Variants in NFATC3 observed in about 807,000 individuals in gnomAD.
The protein encoded by NFATC3 is nuclear factor of activated T cells 3.
NFATC3 carries 46 observed loss-of-function variants against 98.6 expected under a neutral mutation model. The ratio of observed to expected loss-of-function variants is 0.47; its 90% CI spans 0.37 to 0.60. NFATC3 has a LOEUF of 0.60. Ranked by LOEUF, NFATC3 falls within the 20% of genes least tolerant of loss-of-function variation. NFATC3 has a pLI of 0.00. For missense variants in NFATC3, 1,256 were observed against 1,295.5 expected (o/e 0.97, Z 0.47); for synonymous variants, 512 against 472.2 (o/e 1.08, Z -1.09).
intron 9 of NFATC3, among the ~76,000 whole-genome samples, chr16:68,213,808 G>A (rs1394935327): frequency 1.3e-5 from 2 of 152,140 alleles, no homozygotes; most frequent in Admixed American, 6.6e-5. Context: ...CAGCCTGGGT[G>A]ACAGAGTGAG....
In NFATC3 at chr16:68,174,439, G is replaced by T. The variant is rs566651076; in HGVS notation, c.1840G>T (p.Gly614Ter). Residue 614 changes from glycine to a stop codon, truncating the protein, a stop_gained, in exon 6 of 10, where the codon GGA (glycine) becomes TGA (stop). Coordinates refer to ENST00000346183, the MANE Select transcript of NFATC3 (RefSeq NM_173165.3). LOFTEE classifies it high-confidence loss of function. ...CAGTATCAACAGTTGTTCTGTAAAT[G>T]GAGGTCATGAAATGGTTGTGACTGG... Reference protein sequence around the residue: ...KYSINSCSVNGGHEMVVTGSN... With the variant: ...KYSINSCSVN The T allele has an allele frequency of 6.2e-7, 1 of 1,606,572 alleles. No individual in the cohort carries two copies. Among genetic ancestry groups the T allele is most frequent in the East Asian group, 2.2e-5 (1 of 44,602 alleles).
intron 9 of NFATC3, among the ~76,000 whole-genome samples, chr16:68,206,994 C>G (rs563832102): frequency 5.7e-5 from 8 of 141,094 alleles, no homozygotes; most frequent in Middle Eastern, 3.8e-3. Flanking sequence ...AGTTGATGAA[C>G]GCATACATAT....
intron 9 of NFATC3, among the ~76,000 whole-genome samples, chr16:68,220,702 T>G (rs1188389397): frequency 6.3e-5 from 9 of 142,958 alleles, no homozygotes; most frequent in Non-Finnish European, 1.2e-4. Context: ...GGTCAGGAGA[T>G]CGACACCATC....
intron 1 of NFATC3, chr16:68,088,895 C>A: frequency 1.3e-6 from 1 of 768,714 alleles, no homozygotes; most frequent in Non-Finnish European, 1.6e-6. Context: ...TAGTCTGGAA[C>A]TCCTGGGCTC....
At chr16:68,100,156 A>G (rs1045965885) in intron 1 of NFATC3, among the ~76,000 whole-genome samples, 6 of 152,212 alleles carry the variant, frequency 3.9e-5, no homozygotes, top group Admixed American at 1.3e-4. Context: ...ATTGGCTATT[A>G]TGAAAATTGC....
chr16:68,222,357 G>A (rs965980928), intron 9 of NFATC3, among the ~76,000 whole-genome samples: 16 of 135,852 alleles, frequency 1.2e-4, no homozygotes, highest in South Asian at 4.8e-4. Flanking sequence ...GAGAAAACAC[G>A]TCATGTGGTT....
At chr16:68,197,801 A>C (rs1199520427) in intron 9 of NFATC3, among the ~76,000 whole-genome samples, 1 of 152,192 alleles carries the variant, frequency 6.6e-6, no homozygotes, top group Non-Finnish European at 1.5e-5. Context: ...AACTTTTGTT[A>C]ATTCTGTTTT....
intron 1 of NFATC3, among the ~76,000 whole-genome samples, chr16:68,091,657 T>C (rs1303038674): frequency 1.3e-5 from 2 of 152,218 alleles, no homozygotes; most frequent in African/African-American, 2.4e-5. Flanking sequence ...AGCCATAATA[T>C]AGTGAAGGCA....
chr16:68,139,108 T>C (rs1352667423), intron 3 of NFATC3, among the ~76,000 whole-genome samples: 8 of 152,214 alleles, frequency 5.3e-5, no homozygotes, highest in South Asian at 4.1e-4. Flanking sequence ...TCTCACTTTA[T>C]ACTGAGAGAG....
At chr16:68,092,468 A>C (rs1248847395) in intron 1 of NFATC3, among the ~76,000 whole-genome samples, 2 of 149,658 alleles carry the variant, frequency 1.3e-5, no homozygotes, top group African/African-American at 2.5e-5. Flanking sequence ...AAAAAAAAAT[A>C]AATAAATAAA....
chr16:68,185,830 T>G (rs891596207), intron 8 of NFATC3, among the ~76,000 whole-genome samples: 5 of 123,942 alleles, frequency 4.0e-5, no homozygotes, highest in Non-Finnish European at 7.8e-5. Flanking sequence ...ACCACCGCAC[T>G]CCAGCCTGGG....
At chr16:68,214,300 C>G (rs201599062) in intron 9 of NFATC3, 3 of 1,562,956 alleles carry the variant, frequency 1.9e-6, no homozygotes, top group Non-Finnish European at 2.6e-6. Flanking sequence ...TTGTTCCATT[C>G]AGTAGTGATG....
chr16:68,105,459 C>A (rs895748700), intron 1 of NFATC3, among the ~76,000 whole-genome samples: 5 of 151,974 alleles, frequency 3.3e-5, no homozygotes, highest in Non-Finnish European at 7.4e-5. Context: ...GTTGAACCAC[C>A]CTTGCATTCC....
At chr16:68,198,949 G>C (rs2040787774) in intron 9 of NFATC3, among the ~76,000 whole-genome samples, 1 of 152,080 alleles carries the variant, frequency 6.6e-6, no homozygotes, top group South Asian at 2.1e-4. Flanking sequence ...TCAGGAGTCT[G>C]AGGCAGGGGA....
intron 9 of NFATC3, chr16:68,200,575 G>A (rs1421719439): frequency 6.6e-6 from 1 of 152,026 alleles, no homozygotes; most frequent in Non-Finnish European, 1.5e-5. Context: ...TATTCCTTTG[G>A]GGGTTACAAC....
chr16:68,169,457 T>A (rs79323321), intron 5 of NFATC3, among the ~76,000 whole-genome samples: 5,166 of 152,052 alleles, frequency 0.034, 118 homozygotes, highest in Non-Finnish European at 0.053. Flanking sequence ...TTCCCCATGT[T>A]GCCCAGGTTG....
chr16:68,126,413 A>G (rs1364641694), intron 2 of NFATC3, 35 bp from the exon 3 acceptor site: 1 of 1,586,084 alleles, frequency 6.3e-7, no homozygotes, highest in Non-Finnish European at 8.6e-7. Context: ...CAATAATAGC[A>G]TGGTGACATG....
intron 3 of NFATC3, among the ~76,000 whole-genome samples, chr16:68,141,106 A>G (rs1220173060): frequency 6.6e-6 from 1 of 152,224 alleles, no homozygotes; most frequent in African/African-American, 2.4e-5. Flanking sequence ...AATGGCCTTC[A>G]GTACCATCCA....
At chr16:68,101,553 G>C (rs1488613532) in intron 1 of NFATC3, among the ~76,000 whole-genome samples, 2 of 150,780 alleles carry the variant, frequency 1.3e-5, no homozygotes, top group Non-Finnish European at 2.9e-5. Flanking sequence ...GCGCGATCTC[G>C]GCTCACTGCA....
Sources: gnomAD v4.1 joint callset for allele counts (sites outside exome capture counted in the v4.1 genomes callset) on GRCh38, gnomAD v4.1.1 for gene constraint, MANE v1.5 for transcripts, NCBI Gene and HGNC (gene_info 2026-07-23, HGNC 2026-07-21) for gene names.